SORCS3: variants seen among roughly 807,000 people sequenced by gnomAD.
SORCS3 encodes the protein VPS10 domain-containing receptor SorCS3.
In SORCS3, 57 loss-of-function variants were observed where a neutral mutation model predicts 146.3. The ratio of observed to expected loss-of-function variants is 0.39; its 90% confidence interval spans 0.31 to 0.49. The LOEUF is 0.49. SORCS3 is among the 20% of genes least tolerant of loss of function. The probability of loss-of-function intolerance (pLI) is 0.92; values close to 1 mark genes in which losing one functional copy is unlikely to be tolerated. For synonymous variants in SORCS3, 653 were observed against 618.5 expected (o/e 1.06, Z -0.83); for missense variants, 1,341 against 1,575.5 (o/e 0.85, Z 2.52).
intron 1 of SORCS3, among the ~76,000 whole-genome samples, chr10:104,739,699 C>T (rs2016818237): frequency 6.6e-6 from 1 of 152,184 alleles, no homozygotes; most frequent in Non-Finnish European, 1.5e-5. Flanking sequence ...CTGAAGATCC[C>T]CAGCATGTCT....
chr10:104,981,713 TA>T (rs1342997791), intron 4 of SORCS3, among the ~76,000 whole-genome samples: 2 of 152,180 alleles, frequency 1.3e-5, no homozygotes, highest in Non-Finnish European at 2.9e-5. Flanking sequence ...CTGCAGTTTT[TA>T]AAAAAATGGG....
chr10:104,935,291 T>C (rs1364451078), intron 3 of SORCS3, among the ~76,000 whole-genome samples: 1 of 152,226 alleles, frequency 6.6e-6, no homozygotes, highest in Non-Finnish European at 1.5e-5. Context: ...CTGAACTCTA[T>C]TGAGTTCTAG....
chr10:104,856,582 A>T (rs1007356992), intron 2 of SORCS3, among the ~76,000 whole-genome samples: 11 of 96,306 alleles, frequency 1.1e-4, no homozygotes, highest in Non-Finnish European at 2.1e-4. Context: ...TCACATGTAT[A>T]TATAAATATA....
At chr10:105,099,423 C>T (rs1395412601) in intron 6 of SORCS3, among the ~76,000 whole-genome samples, 1 of 152,072 alleles carries the variant, frequency 6.6e-6, no homozygotes. Flanking sequence ...GGCTTGATGT[C>T]TAGGAAGTTT....
chr10:104,951,126 C>T (rs1038415961), intron 3 of SORCS3, among the ~76,000 whole-genome samples: 6 of 152,086 alleles, frequency 3.9e-5, no homozygotes, highest in African/African-American at 1.4e-4. Flanking sequence ...TTCACTAGTG[C>T]TTCTTACCAT....
intron 3 of SORCS3, among the ~76,000 whole-genome samples, chr10:104,961,162 C>T (rs2054793137): frequency 6.6e-6 from 1 of 152,122 alleles, no homozygotes; most frequent in Admixed American, 6.6e-5. Flanking sequence ...TCTGGGGTCC[C>T]ACTGTGGTCC....
At chr10:105,141,582 C>G (rs2056095524) in intron 8 of SORCS3, among the ~76,000 whole-genome samples, 1 of 152,160 alleles carries the variant, frequency 6.6e-6, no homozygotes, top group African/African-American at 2.4e-5. Flanking sequence ...CTTACATGCT[C>G]AGAATATGCT....
At chr10:104,842,899 G>T in intron 2 of SORCS3, 40 bp downstream of exon 2, 1 of 1,532,966 alleles carries the variant, frequency 6.5e-7, no homozygotes, top group Non-Finnish European at 9.0e-7. Flanking sequence ...ACCCTGGCTT[G>T]GCTCACATGA....
At chr10:104,940,222 ATATATATATATATATATTTTTTT>A (rs1437073886) in intron 3 of SORCS3, among the ~76,000 whole-genome samples, 1 of 17,022 alleles carries the variant, frequency 5.9e-5, no homozygotes, top group African/African-American at 3.0e-4. Context: ...ATATATATAT[ATATATATATATATATATTTTTTT>A]TTTTTTTTTT....
chr10:105,118,713 G>A (rs1358497530), intron 7 of SORCS3, among the ~76,000 whole-genome samples: 1 of 152,170 alleles, frequency 6.6e-6, no homozygotes, highest in African/African-American at 2.4e-5. Flanking sequence ...GGGAACTGGA[G>A]TAAAGGTCAC....
chr10:104,909,590 G>T (rs1329774688), intron 2 of SORCS3, among the ~76,000 whole-genome samples: 1 of 151,980 alleles, frequency 6.6e-6, no homozygotes, highest in African/African-American at 2.4e-5. Context: ...TGAGGACCAG[G>T]GTGGTAAACA....
chr10:104,795,406 A>C (rs1293059051), intron 1 of SORCS3, among the ~76,000 whole-genome samples: 1 of 152,238 alleles, frequency 6.6e-6, no homozygotes, highest in Non-Finnish European at 1.5e-5. Context: ...TCTTCCTTTA[A>C]TCTACATAGT....
chr10:105,158,776 C>A, intron 10 of SORCS3, 116 bp from the exon 11 acceptor site: 1 of 741,962 alleles, frequency 1.3e-6, no homozygotes, highest in Non-Finnish European at 2.3e-6. Flanking sequence ...GTGTGACTCA[C>A]CATCCAATGC....
chr10:104,650,269 C>T (rs1027267891), intron 1 of SORCS3, among the ~76,000 whole-genome samples: 2 of 152,120 alleles, frequency 1.3e-5, no homozygotes, highest in African/African-American at 4.8e-5. Flanking sequence ...TACATAGACA[C>T]TAGAGGGAGT....
chr10:104,842,738 C>CG, intron 1 of SORCS3, 54 bp from the exon 2 acceptor site: 4 of 1,393,550 alleles, frequency 2.9e-6, no homozygotes, highest in Non-Finnish European at 4.1e-6. Flanking sequence ...AGTAAGCTTC[C>CG]TTTTTTCCCT....
intron 2 of SORCS3, among the ~76,000 whole-genome samples, chr10:104,904,721 G>C (rs927840553): frequency 6.6e-6 from 1 of 151,294 alleles, no homozygotes; most frequent in African/African-American, 2.4e-5. Flanking sequence ...ACACACAAGA[G>C]TTAAAGAAAA....
chr10:105,223,074 A>T (rs989239620), intron 19 of SORCS3, 42 bp from the exon 20 acceptor site: 11 of 1,563,960 alleles, frequency 7.0e-6, no homozygotes, highest in Non-Finnish European at 9.6e-6. Context: ...GTTTGACCAC[A>T]TCCAGAATAT....
At chr10:105,040,424 G>A (rs751129977) in intron 4 of SORCS3, among the ~76,000 whole-genome samples, 19 of 152,202 alleles carry the variant, frequency 1.2e-4, no homozygotes, top group Non-Finnish European at 2.4e-4. Context: ...AGCTAACCTC[G>A]AACACTAGGC....
At chr10:104,773,872 T>C (rs2017279060) in intron 1 of SORCS3, among the ~76,000 whole-genome samples, 1 of 152,156 alleles carries the variant, frequency 6.6e-6, no homozygotes. Context: ...TATTTGTTGC[T>C]CAATGTGTGG....
Sources: gnomAD v4.1 joint callset for allele counts (sites outside exome capture counted in the v4.1 genomes callset) on GRCh38, gnomAD v4.1.1 for gene constraint, MANE v1.5 for transcripts, NCBI Gene and HGNC (gene_info 2026-07-23, HGNC 2026-07-21) for gene names.